The following ASS1 variants were observed in gnomAD, a reference collection of about 807,000 sequenced individuals.
ASS1 encodes argininosuccinate synthase.
A neutral mutation model predicts 60.5 loss-of-function variants in ASS1; 58 were observed. The ratio of observed to expected loss-of-function variants is 0.96; its 90% CI spans 0.78 to 1.19. The LOEUF (loss-of-function observed/expected upper bound fraction) is 1.19. Ranked by LOEUF, ASS1 falls within the 50% of genes most tolerant of loss-of-function variation. ASS1 has a pLI of 0.00. For missense variants in ASS1, 454 were observed against 547.3 expected (o/e 0.83, Z 1.70); for synonymous variants, 200 against 206.9 (o/e 0.97, Z 0.29).
intron 3 of ASS1, among the ~76,000 whole-genome samples, chr9:130,455,474 C>T (rs148979142): frequency 2.2e-4 from 34 of 152,374 alleles, no homozygotes; most frequent in Middle Eastern, 3.4e-3. Context: ...CATCTGTCAT[C>T]CATCATCCAT....
At chr9:130,450,636 C>G (rs1363983083) in intron 1 of ASS1, among the ~76,000 whole-genome samples, 1 of 152,234 alleles carries the variant, frequency 6.6e-6, no homozygotes, top group African/African-American at 2.4e-5. Flanking sequence ...GTGCAGCATG[C>G]ACGGGACTGA....
intron 4 of ASS1, 135 bp from the exon 5 acceptor site, chr9:130,463,976 A>G (rs1378204419): frequency 2.2e-6 from 2 of 894,468 alleles, no homozygotes; most frequent in Non-Finnish European, 3.7e-6. Flanking sequence ...CACGACCTAC[A>G]CTGCATGACC....
intron 8 of ASS1, 114 bp downstream of exon 8, chr9:130,471,629 G>T: frequency 1.5e-6 from 2 of 1,325,010 alleles, no homozygotes; most frequent in East Asian, 4.7e-5. Context: ...GGGGCCAGCC[G>T]TGGGGCTGGG....
In ASS1 at chr9:130,479,737, A is replaced by G. The variant is rs565520844; in HGVS notation, c.710A>G (p.Asn237Ser). 42 of 1,614,172 alleles carry G rather than the reference A, an allele frequency of 2.6e-5. No homozygotes were observed. The Admixed American group carries it at 5.2e-4, about 20-fold the overall frequency. Residue 237 changes from asparagine (N) to serine (S), a missense_variant, in exon 10 of 15, where the codon AAC (asparagine) becomes AGC (serine). Asn to Ser is a conservative substitution (Grantham distance 46, BLOSUM62 1). Coordinates refer to ENST00000352480, the MANE Select transcript of ASS1 (RefSeq NM_054012.4). ...FKKGVPVKVT[N>S]VKDGTTHQTS... ...CTAGGGGTCCCTGTGAAGGTGACCA[A>G]CGTCAAGGATGGCACCACCCACCAG... is the stretch of plus-strand genomic sequence containing the variant.
intron 3 of ASS1, among the ~76,000 whole-genome samples, chr9:130,456,020 C>T (rs544923406): frequency 2.0e-5 from 3 of 152,316 alleles, no homozygotes; most frequent in Non-Finnish European, 4.4e-5. Flanking sequence ...GTTGAAGATT[C>T]GAGTGCGCTT....
rs1266873717 is a variant in ASS1, at chr9:130,494,639, T to G, written c.971-228T>G. ...CTGACCCTTAGGGAAATGACCTAGG[T>G]GGTCACCTCCTTACCCACAGGCCCT... On this transcript the variant is annotated intron_variant, in intron 12 of 14. Coordinates refer to ENST00000352480, the MANE Select transcript of ASS1 (RefSeq NM_054012.4). The surrounding 1 kb of genome is among the most constrained non-coding windows in gnomAD (Gnocchi z 4.3). 2.0e-5 allele frequency among the ~76,000 whole-genome samples: 3 copies of G among 152,176 alleles called. No individual in the cohort carries two copies. The highest frequency in any genetic ancestry group is 4.4e-5 in the Non-Finnish European group (3 of 68,024).
chr9:130,471,783 A>G (rs1176097027), intron 8 of ASS1, among the ~76,000 whole-genome samples: 1 of 152,202 alleles, frequency 6.6e-6, no homozygotes, highest in Non-Finnish European at 1.5e-5. Flanking sequence ...TCAGGGCAGC[A>G]TAGAGAGAGA....
At position 130,480,450 on chromosome 9, in the gene ASS1, G is replaced by T. The variant is rs750214431; in HGVS notation, c.838+1G>T. On this transcript the variant is annotated splice_donor_variant, in intron 11 of 14. Transcript: ENST00000352480. LOFTEE classifies it high-confidence loss of function. ...CGCTTCATTGGAATGAAGTCCCGAG[G>T]TGAGTCTGCTCAGCCTCCCTCAGGG... The T allele has an allele frequency of 1.9e-6, 3 of 1,613,870 alleles. No homozygotes were observed. Among genetic ancestry groups the T allele is most frequent in the Non-Finnish European group, 2.5e-6 (3 of 1,180,018 alleles).
At position 130,476,496 on chromosome 9, in the gene ASS1, C is replaced by T; in HGVS notation, c.598-375C>T. 1 of 394,746 alleles carries T rather than the reference C, an allele frequency of 2.5e-6. No homozygotes were observed. Among genetic ancestry groups the T allele is most frequent in the East Asian group, 5.8e-5 (1 of 17,200 alleles). 24.5% of individuals were successfully genotyped at this position (394,746 alleles called of 1,614,324 possible). On this transcript the variant is annotated intron_variant, in intron 8 of 14. Coordinates refer to ENST00000352480, the MANE Select transcript of ASS1 (RefSeq NM_054012.4). The surrounding 1 kb of genome is among the most constrained non-coding windows in gnomAD (Gnocchi z 4.9). ...CGGTCAGTGCAGAATAAACCCCAAT[C>T]CCGAGCCGGCGAGAGCGTGCGTGCC...
intron 11 of ASS1, among the ~76,000 whole-genome samples, chr9:130,486,437 C>T (rs1846307948): frequency 6.6e-6 from 1 of 152,158 alleles, no homozygotes; most frequent in East Asian, 1.9e-4. Flanking sequence ...TCTATAATGA[C>T]TTTTCTCAGT....
Position 130,489,546 on chromosome 9 carries a change from C to G in ASS1, c.970+82C>G. 6.2e-7 allele frequency: 1 copy of G among 1,600,978 alleles called. No homozygotes were observed. Among genetic ancestry groups the G allele is most frequent in the South Asian group, 1.1e-5 (1 of 90,714 alleles). On this transcript the variant is annotated intron_variant, in intron 12 of 14. Coordinates refer to ENST00000352480, the MANE Select transcript of ASS1 (RefSeq NM_054012.4). The surrounding 1 kb of genome is among the most constrained non-coding windows in gnomAD (Gnocchi z 4.1). ...CTATCAGGCTCTCGGGCCTGGCCCT[C>G]CCCTCCGTATCAGCACCTTCCTCCC...
chr9:130,489,216 C>T lies in ASS1; in HGVS notation c.839-117C>T. ...GAGTGAATGGGTCCGGCCGGCTTGT[C>T]TCCTGTCAGACGACTCATTATTATT... On this transcript the variant is annotated intron_variant, in intron 11 of 14. Transcript: ENST00000352480. This position sits in a 1 kb window ranked among gnomAD's most constrained non-coding sequence, Gnocchi z 4.1. 1 of 1,432,212 alleles carries T rather than the reference C, an allele frequency of 7.0e-7. No homozygotes were observed. The highest frequency in any genetic ancestry group is 9.5e-7 in the Non-Finnish European group (1 of 1,047,878). 88.7% of individuals were successfully genotyped at this position (1,432,212 alleles called of 1,614,324 possible).
At chr9:130,454,779 T>C (rs1254407938) in intron 3 of ASS1, among the ~76,000 whole-genome samples, 2 of 130,660 alleles carry the variant, frequency 1.5e-5, no homozygotes, top group African/African-American at 6.3e-5. Flanking sequence ...ACCCATCCAT[T>C]CACCCATCAT....
Position 130,456,322 on chromosome 9 carries a change from T to C in ASS1, c.174+1949T>C, listed in dbSNP as rs185228393. Reference sequence around the variant, plus strand: ...CTCTACTAAAAATACAAAAATTAGCTGGGCGCGATGGTGGGTGCCTGTAAT... The same window carrying C: ...CTCTACTAAAAATACAAAAATTAGCCGGGCGCGATGGTGGGTGCCTGTAAT... On this transcript the variant is annotated intron_variant, in intron 3 of 14. Transcript: ENST00000352480. 5.5e-3 allele frequency among the ~76,000 whole-genome samples: 837 copies of C among 151,806 alleles called. 2 individuals are homozygous for C. Among genetic ancestry groups the C allele is most frequent in the Non-Finnish European group, 7.9e-3 (540 of 67,938 alleles).
chr9:130,471,551 A>T, intron 8 of ASS1, 36 bp downstream of exon 8: 1 of 1,601,056 alleles, frequency 6.2e-7, no homozygotes, highest in Non-Finnish European at 8.6e-7. Context: ...CCAGCTGGCC[A>T]CCTTTGGTGG....
In ASS1 at chr9:130,485,052, C is replaced by T. The variant is rs367899023; in HGVS notation, c.839-4281C>T. Among the ~76,000 whole-genome samples the T allele has an allele frequency of 1.5e-3, 222 of 152,192 alleles. 1 individual carries two copies. Among genetic ancestry groups the T allele is most frequent in the Middle Eastern group, 6.8e-3 (2 of 294 alleles). On this transcript the variant is annotated intron_variant, in intron 11 of 14. Transcript: ENST00000352480. ...GAGGAGGGTTCTGCCTGGCCTCTGC[C>T]CACCAGACATTCTCTGCTCCCGGTG...
chr9:130,499,366 A>C, intron 13 of ASS1, 139 bp from the exon 14 acceptor site: 1 of 869,026 alleles, frequency 1.2e-6, no homozygotes, highest in East Asian at 2.6e-5. Flanking sequence ...TGGAAAGCCG[A>C]CGTGCAGGGA....
At chr9:130,471,967 G>A (rs1474461569) in intron 8 of ASS1, among the ~76,000 whole-genome samples, 4 of 152,078 alleles carry the variant, frequency 2.6e-5, no homozygotes, top group Non-Finnish European at 4.4e-5. Flanking sequence ...TTGCACACCC[G>A]CCACCACCGG....
At chr9:130,454,991 C>G (rs1281701948) in intron 3 of ASS1, among the ~76,000 whole-genome samples, 1 of 151,382 alleles carries the variant, frequency 6.6e-6, no homozygotes, top group Non-Finnish European at 1.5e-5. Context: ...GTCCATTCAT[C>G]CATCATCCAT....
Sources: allele counts gnomAD v4.1 joint callset (sites outside exome capture counted in the v4.1 genomes callset), GRCh38; gene constraint gnomAD v4.1.1; non-coding constraint Gnocchi (gnomAD v3.1); transcripts MANE v1.5; gene names NCBI Gene and HGNC (gene_info 2026-07-23, HGNC 2026-07-21).